Variants in MRTFB observed in about 807,000 individuals in gnomAD.
MRTFB encodes the protein myocardin related transcription factor B, also known as myocardin-related transcription factor B.
MRTFB carries 29 observed loss-of-function variants against 104.2 expected under a neutral mutation model. The observed-to-expected ratio is 0.28, with a 90% confidence interval of 0.21 to 0.38. MRTFB has a LOEUF of 0.38. Ranked by LOEUF, MRTFB falls within the 10% of genes least tolerant of loss-of-function variation. MRTFB has a pLI of 1.00. For missense variants in MRTFB, 1,270 were observed against 1,341.6 expected, an observed-to-expected ratio of 0.95 and a Z score of 0.83; for synonymous variants, 535 against 519.5, an observed-to-expected ratio of 1.03 and a Z score of -0.41.
intron 3 of MRTFB, among the ~76,000 whole-genome samples, chr16:14,209,566 T>C (rs1014825936): frequency 6.6e-5 from 10 of 152,310 alleles, no homozygotes; most frequent in African/African-American, 2.4e-4. Context: ...TTATTAAATT[T>C]GGCAAACTGG....
chr16:14,252,804 G>C (rs759236029), intron 15 of MRTFB, among the ~76,000 whole-genome samples: 1 of 152,144 alleles, frequency 6.6e-6, no homozygotes, highest in Non-Finnish European at 1.5e-5. Context: ...ATTATGACCA[G>C]GACACATTTT....
chr16:14,161,247 A>G (rs1046451821), intron 3 of MRTFB, among the ~76,000 whole-genome samples: 1 of 152,106 alleles, frequency 6.6e-6, no homozygotes, highest in Non-Finnish European at 1.5e-5. Flanking sequence ...ATTTCCAGAT[A>G]CGAAGACCTG....
At chr16:14,044,837 G>T in the MRTFB span, among the ~76,000 whole-genome samples, 1 of 152,108 alleles carries the variant, frequency 6.6e-6, no homozygotes. Flanking sequence ...TGCTCAGGAG[G>T]CCCTTGCTGA....
chr16:14,240,184 G>T, intron 9 of MRTFB, 53 bp from the exon 10 acceptor site: 3 of 1,528,586 alleles, frequency 2.0e-6, no homozygotes, highest in South Asian at 2.7e-5. Flanking sequence ...CAGTACAAAA[G>T]ATTTTATGTG....
At chr16:14,099,089 T>A (rs1182478608) in intron 2 of MRTFB, among the ~76,000 whole-genome samples, 1 of 152,324 alleles carries the variant, frequency 6.6e-6, no homozygotes, top group African/African-American at 2.4e-5. Flanking sequence ...GAGTTTAGAA[T>A]CAGCTTTTCA....
At chr16:14,153,765 T>C (rs983796108) in intron 3 of MRTFB, among the ~76,000 whole-genome samples, 1 of 152,184 alleles carries the variant, frequency 6.6e-6, no homozygotes, top group Non-Finnish European at 1.5e-5. Context: ...TGACCCCAAA[T>C]GTTTCATGTA....
In MRTFB at chr16:14,262,434, G is replaced by T. The variant is rs986914275; in HGVS notation, c.*990G>T. ...AGGCTTTAGCATGAAATATCTTTCT[G>T]AGCTGGCGAGTTAGAAGAATGGAAG... On this transcript the variant is annotated 3_prime_UTR_variant, in exon 17 of 17. Transcript: ENST00000571589. The T allele has an allele frequency of 1.3e-5, 2 of 152,196 alleles. No individual in the cohort carries two copies. Among genetic ancestry groups the T allele is most frequent in the Non-Finnish European group, 2.9e-5 (2 of 68,046 alleles). 9.4% of individuals were successfully genotyped at this position (152,196 alleles called of 1,614,324 possible). A position where few individuals can be genotyped will look rare whatever the true frequency, so the allele number is the denominator to read the frequency against.
intron 8 of MRTFB, among the ~76,000 whole-genome samples, chr16:14,224,671 G>A (rs186160087): frequency 3.0e-4 from 45 of 152,336 alleles, no homozygotes; most frequent in African/African-American, 1.0e-3. Flanking sequence ...CCAGAAGGCA[G>A]TGGGATGATA....
At chr16:14,159,105 C>G (rs942111977) in intron 3 of MRTFB, among the ~76,000 whole-genome samples, 1 of 152,090 alleles carries the variant, frequency 6.6e-6, no homozygotes, top group Non-Finnish European at 1.5e-5. Flanking sequence ...GCACTGTAGC[C>G]TGGGCAACAG....
At chr16:14,190,229 G>C (rs554691375) in intron 3 of MRTFB, among the ~76,000 whole-genome samples, 28 of 152,290 alleles carry the variant, frequency 1.8e-4, no homozygotes, top group Non-Finnish European at 3.5e-4. Flanking sequence ...ATTCAAAATA[G>C]AAAATTCTCC....
At chr16:14,030,117 G>A in the MRTFB span, among the ~76,000 whole-genome samples, 5 of 152,074 alleles carry the variant, frequency 3.3e-5, no homozygotes, top group Admixed American at 2.6e-4. Flanking sequence ...GTCTTCGCAG[G>A]GCCTGTGGCT....
chr16:14,078,013 C>T (rs1480462796), intron 1 of MRTFB, among the ~76,000 whole-genome samples: 1 of 152,152 alleles, frequency 6.6e-6, no homozygotes, highest in Non-Finnish European at 1.5e-5. Context: ...CTTAGTCTCT[C>T]TTGGATGTAC....
chr16:14,228,991 C>T (rs1358965616), intron 8 of MRTFB, among the ~76,000 whole-genome samples: 4 of 152,022 alleles, frequency 2.6e-5, no homozygotes, highest in Non-Finnish European at 5.9e-5. Flanking sequence ...CTGGAGGTTC[C>T]GGTAGTGATG....
At position 14,262,081 on chromosome 16, in the gene MRTFB, T is replaced by C. The variant is rs2043801100; in HGVS notation, c.*637T>C. Reference sequence around the variant, plus strand: ...GGAATCGTACTTTATATTTCCAAATTTAAATTTAAATGCAAGATCTTTCAA... The same window carrying C: ...GGAATCGTACTTTATATTTCCAAATCTAAATTTAAATGCAAGATCTTTCAA... On this transcript the variant is annotated 3_prime_UTR_variant, in exon 17 of 17. Coordinates refer to ENST00000571589, the MANE Select transcript of MRTFB (RefSeq NM_001308142.2). The C allele has an allele frequency of 6.6e-6, 1 of 152,158 alleles. No homozygotes were observed. The allele number at this position is 152,158 out of a possible 1,614,324, so 9.4% of individuals were successfully genotyped here.
At chr16:14,195,356 A>G (rs1167523092) in intron 3 of MRTFB, 1 of 215,142 alleles carries the variant, frequency 4.6e-6, no homozygotes, top group African/African-American at 2.4e-5. Flanking sequence ...TTGCTATGAT[A>G]TTAGGATAAC....
chr16:14,099,629 G>GT (rs1212888969), intron 2 of MRTFB, among the ~76,000 whole-genome samples: 1 of 149,612 alleles, frequency 6.7e-6, no homozygotes, highest in Non-Finnish European at 1.5e-5. Flanking sequence ...GATTACAAGT[G>GT]TGAGTCACCA....
chr16:14,002,481 C>A, the MRTFB span, among the ~76,000 whole-genome samples: 13 of 145,136 alleles, frequency 9.0e-5, no homozygotes, highest in African/African-American at 3.0e-4. Context: ...CAACTGAAAA[C>A]AAATTAGAAA....
At chr16:14,062,189 C>T in the MRTFB span, among the ~76,000 whole-genome samples, 4 of 152,160 alleles carry the variant, frequency 2.6e-5, no homozygotes, top group African/African-American at 9.7e-5. Flanking sequence ...ACCTTCCAGA[C>T]TCAAGCGATC....
chr16:14,227,669 G>A (rs924764341), intron 8 of MRTFB, among the ~76,000 whole-genome samples: 1 of 151,980 alleles, frequency 6.6e-6, no homozygotes, highest in South Asian at 2.1e-4. Flanking sequence ...GCAACACCAC[G>A]CCCAGCTAAT....
Sources: gnomAD v4.1 joint callset for allele counts (sites outside exome capture counted in the v4.1 genomes callset) on GRCh38, gnomAD v4.1.1 for gene constraint, MANE v1.5 for transcripts, NCBI Gene and HGNC (gene_info 2026-07-23, HGNC 2026-07-21) for gene names.